The following RABGAP1L variants were observed in gnomAD, a reference collection of about 807,000 sequenced individuals.
The protein encoded by RABGAP1L is RAB GTPase activating protein 1 like, also known as rab GTPase-activating protein 1-like.
A neutral mutation model predicts 137.7 loss-of-function variants in RABGAP1L; 63 were observed. That is an observed-to-expected ratio of 0.46 (90% CI 0.37 to 0.56). The LOEUF is 0.56. Among genes scored for constraint, RABGAP1L ranks in the 20% least tolerant of loss-of-function variants. The pLI is 0.00. For missense variants in RABGAP1L, 1,095 were observed against 1,244.0 expected (o/e 0.88, Z 1.80); for synonymous variants, 431 against 433.7 (o/e 0.99, Z 0.08).
At chr1:174,543,212 T>A (rs905079166) in intron 13 of RABGAP1L, among the ~76,000 whole-genome samples, 2 of 152,194 alleles carry the variant, frequency 1.3e-5, no homozygotes, top group African/African-American at 4.8e-5. Flanking sequence ...TCTCCCATTA[T>A]TATTGTGTGG....
chr1:174,463,431 A>G (rs564933676), intron 13 of RABGAP1L, among the ~76,000 whole-genome samples: 14 of 147,746 alleles, frequency 9.5e-5, no homozygotes, highest in Non-Finnish European at 1.8e-4. Context: ...CAAACACCGC[A>G]TGTTCTCACT....
At chr1:174,293,832 G>T (rs1676854606) in intron 10 of RABGAP1L, among the ~76,000 whole-genome samples, 1 of 152,042 alleles carries the variant, frequency 6.6e-6, no homozygotes, top group Non-Finnish European at 1.5e-5. Context: ...CTATGTTGGG[G>T]ATATTTGAAT....
intron 13 of RABGAP1L, among the ~76,000 whole-genome samples, chr1:174,403,243 GTGTGTATA>G (rs761127091): frequency 0.017 from 2,091 of 120,204 alleles, 57 homozygotes; most frequent in African/African-American, 0.059. Context: ...GTGTGTGTGT[GTGTGTATA>G]TATATGTGTA....
At chr1:174,569,979 A>C (rs902040413) in intron 13 of RABGAP1L, among the ~76,000 whole-genome samples, 1 of 152,212 alleles carries the variant, frequency 6.6e-6, no homozygotes, top group African/African-American at 2.4e-5. Context: ...ATGATATCTA[A>C]CTTTAAGTTA....
chr1:174,964,640 C>T (rs568900983), intron 20 of RABGAP1L: 5 of 316,024 alleles, frequency 1.6e-5, no homozygotes, highest in African/African-American at 2.2e-5. Flanking sequence ...ACACCTCACA[C>T]CGTAGTTCCT....
intron 13 of RABGAP1L, among the ~76,000 whole-genome samples, chr1:174,626,191 G>A (rs762677122): frequency 3.3e-5 from 5 of 152,162 alleles, no homozygotes; most frequent in African/African-American, 1.2e-4. Context: ...AGGAGTATTG[G>A]GTAGGTGTAA....
chr1:174,709,184 A>G (rs909363279), intron 17 of RABGAP1L, among the ~76,000 whole-genome samples: 7 of 152,218 alleles, frequency 4.6e-5, no homozygotes, highest in African/African-American at 1.7e-4. Flanking sequence ...TCAGAGGCTT[A>G]TAGATAAAAC....
chr1:174,933,372 C>T (rs1033233894), intron 19 of RABGAP1L, among the ~76,000 whole-genome samples: 6 of 152,224 alleles, frequency 3.9e-5, no homozygotes, highest in Admixed American at 6.5e-5. Flanking sequence ...GGCTCCAACA[C>T]ATCTGTGTCA....
intron 10 of RABGAP1L, among the ~76,000 whole-genome samples, chr1:174,297,910 T>A (rs1244595582): frequency 2.0e-5 from 3 of 152,156 alleles, no homozygotes; most frequent in East Asian, 3.9e-4. Flanking sequence ...GGGTTCCCTT[T>A]CCCTGAGGCC....
chr1:174,705,697 T>C (rs1020149365), intron 17 of RABGAP1L: 2 of 152,200 alleles, frequency 1.3e-5, no homozygotes, highest in African/African-American at 2.4e-5. Context: ...CTAACTCATC[T>C]TTGTCAAGAA....
intron 13 of RABGAP1L, among the ~76,000 whole-genome samples, chr1:174,596,222 G>GTA (rs1260235455): frequency 6.5e-5 from 2 of 30,950 alleles, no homozygotes; most frequent in African/African-American, 3.8e-3. Flanking sequence ...CTCGCGCACG[G>GTA]TGCACACACA....
chr1:174,398,871 T>TA (rs906975802), intron 13 of RABGAP1L, among the ~76,000 whole-genome samples: 3 of 152,206 alleles, frequency 2.0e-5, no homozygotes, highest in African/African-American at 7.2e-5. Context: ...TGAATTATTC[T>TA]AAAAATATAT....
intron 8 of RABGAP1L, among the ~76,000 whole-genome samples, chr1:174,273,310 T>C (rs1674708020): frequency 6.6e-6 from 1 of 152,060 alleles, no homozygotes; most frequent in Non-Finnish European, 1.5e-5. Flanking sequence ...ATTCAGGCTT[T>C]TGGGTACCTG....
intron 13 of RABGAP1L, among the ~76,000 whole-genome samples, chr1:174,533,395 G>A (rs1664606362): frequency 6.6e-6 from 1 of 152,072 alleles, no homozygotes; most frequent in South Asian, 2.1e-4. Flanking sequence ...TGAACAACAT[G>A]GGCTTGCACT....
chr1:174,782,112 G>C (rs1023730087), intron 18 of RABGAP1L, among the ~76,000 whole-genome samples: 8 of 152,148 alleles, frequency 5.3e-5, no homozygotes, highest in Non-Finnish European at 1.2e-4. Context: ...GAAAGTCATT[G>C]GTAGCTTGAT....
At chr1:174,249,501 A>G (rs1284008399) in intron 5 of RABGAP1L, among the ~76,000 whole-genome samples, 2 of 152,194 alleles carry the variant, frequency 1.3e-5, no homozygotes, top group African/African-American at 4.8e-5. Context: ...AGAAATATCT[A>G]TAAATAAATA....
At position 174,989,855 on chromosome 1, in the gene RABGAP1L, G is replaced by C; in HGVS notation, c.3010G>C (p.Glu1004Gln). 6.5e-7 allele frequency: 1 copy of C among 1,550,188 alleles called. No homozygotes were observed. The highest frequency in any genetic ancestry group is 8.7e-7 in the Non-Finnish European group (1 of 1,146,730). Reference protein sequence around the residue: ...VEAKCKIQELEHQRGALMNEI... With the variant: ...VEAKCKIQELQHQRGALMNEI... ...ATTTTCTTGCTTTAATTAGGAACTT[G>C]AACATCAGAGAGGAGCCCTTATGAA... The change falls in exon 26 of 26, where the codon GAA becomes CAA. Residue 1004 changes from glutamate (E) to glutamine (Q), a missense_variant. This residue lies in a region of RABGAP1L where 312 missense variants were observed against 435.6 expected (regional missense o/e 0.72). Transcript: ENST00000681986.
intron 13 of RABGAP1L, among the ~76,000 whole-genome samples, chr1:174,472,372 C>G (rs1658040753): frequency 6.6e-6 from 1 of 152,198 alleles, no homozygotes; most frequent in South Asian, 2.1e-4. Flanking sequence ...TGTATATTAT[C>G]TGTATTTCCC....
intron 13 of RABGAP1L, among the ~76,000 whole-genome samples, chr1:174,519,607 C>T (rs1663186405): frequency 6.6e-6 from 1 of 152,132 alleles, no homozygotes; most frequent in Non-Finnish European, 1.5e-5. Context: ...GTCATGTTCA[C>T]ACTCATTATT....
Sources: gnomAD v4.1 joint callset for allele counts (sites outside exome capture counted in the v4.1 genomes callset) on GRCh38, gnomAD v4.1.1 for gene constraint, gnomAD v4.1.1 regional missense constraint, MANE v1.5 for transcripts, NCBI Gene and HGNC (gene_info 2026-07-23, HGNC 2026-07-21) for gene names.